SNX29: variants seen among roughly 807,000 people sequenced by gnomAD.
SNX29 encodes the protein sorting nexin 29.
SNX29 carries 78 observed loss-of-function variants against 102.1 expected under a neutral mutation model. That is an observed-to-expected ratio of 0.76 (90% CI 0.64 to 0.92). The LOEUF (loss-of-function observed/expected upper bound fraction) is 0.92, where lower values mean the gene tolerates loss of function less well. Among genes scored for constraint, SNX29 ranks in the 40% least tolerant of loss-of-function variants. The pLI, the probability that SNX29 is intolerant of heterozygous loss-of-function variation, is 0.00. For synonymous variants in SNX29, 580 were observed against 414.5 expected, an observed-to-expected ratio of 1.40 and a Z score of -4.85; for missense variants, 1,280 against 1,061.7, an observed-to-expected ratio of 1.21 and a Z score of -2.86.
chr16:12,129,421 C>T (rs1401395179), intron 12 of SNX29, among the ~76,000 whole-genome samples: 1 of 152,216 alleles, frequency 6.6e-6, no homozygotes, highest in Admixed American at 6.5e-5. Flanking sequence ...GAGCCCAGGC[C>T]ATAGATGACT....
At chr16:12,563,302 C>A (rs1310565057) in intron 20 of SNX29, among the ~76,000 whole-genome samples, 1 of 152,092 alleles carries the variant, frequency 6.6e-6, no homozygotes, top group Non-Finnish European at 1.5e-5. Flanking sequence ...CTCGGAAAGT[C>A]TGCTTTGTGA....
In SNX29 at chr16:12,403,459, C is replaced by T. The variant is rs751174952; in HGVS notation, c.1967C>T (p.Ala656Val). ...TTCCTTTTGGTTAGATCAAACCGGGCGCTGATCAACGTCTGGATCCCCTCA... is the reference window on the plus strand; with the variant it reads ...TTCCTTTTGGTTAGATCAAACCGGGTGCTGATCAACGTCTGGATCCCCTCA... ...SLSDFEISNR[A>V]LINVWIPSVF... The change falls in exon 18 of 21, where the codon GCG (alanine) becomes GTG (valine). Residue 656 changes from alanine to valine, a missense_variant. By Grantham distance (64) the Ala-to-Val change is moderately conservative. Coordinates refer to ENST00000566228, the MANE Select transcript of SNX29 (RefSeq NM_032167.5). 12 of 1,607,518 alleles carry T rather than the reference C, an allele frequency of 7.5e-6. No homozygotes were observed. The South Asian group carries it at 1.0e-4, about 14-fold the overall frequency.
chr16:12,038,242 G>A (rs974230480), intron 4 of SNX29, among the ~76,000 whole-genome samples: 2 of 152,186 alleles, frequency 1.3e-5, no homozygotes, highest in African/African-American at 4.8e-5. Context: ...GACAAAATAA[G>A]TTTCCCAAGG....
intron 20 of SNX29, among the ~76,000 whole-genome samples, chr16:12,543,773 C>T (rs556060513): frequency 2.0e-5 from 3 of 152,180 alleles, no homozygotes; most frequent in Admixed American, 6.5e-5. Context: ...GTTTATTTTC[C>T]AAGATGTATC....
At chr16:12,207,535 C>G (rs941954108) in intron 14 of SNX29, among the ~76,000 whole-genome samples, 1 of 152,284 alleles carries the variant, frequency 6.6e-6, no homozygotes, top group Middle Eastern at 3.4e-3. Flanking sequence ...CCTTCCTGTT[C>G]CACCGCAGTG....
At chr16:12,212,678 G>A (rs2077218198) in intron 14 of SNX29, among the ~76,000 whole-genome samples, 1 of 152,164 alleles carries the variant, frequency 6.6e-6, no homozygotes, top group Non-Finnish European at 1.5e-5. Flanking sequence ...ACTTTTTAAT[G>A]AGATTATTCA....
intron 13 of SNX29, among the ~76,000 whole-genome samples, chr16:12,196,843 A>G (rs1214471489): frequency 2.7e-5 from 4 of 150,828 alleles, no homozygotes; most frequent in Non-Finnish European, 4.4e-5. Context: ...CTGATCTCAA[A>G]CTCTTGGCCT....
At chr16:12,530,333 T>C (rs1370039234) in intron 20 of SNX29, among the ~76,000 whole-genome samples, 2 of 152,006 alleles carry the variant, frequency 1.3e-5, no homozygotes, top group Non-Finnish European at 2.9e-5. Flanking sequence ...GGGAAGGAGA[T>C]TGTGGGGAGC....
Position 12,061,511 on chromosome 16 carries a change from G to A in SNX29, c.1125-17G>A. ...GGGCTCTTTGGCCTGTCCTGCAGCT[G>A]TATTCTTTCACCTTAGGCCACTGGA... On this transcript the variant is annotated splice_polypyrimidine_tract_variant and intron_variant, in intron 8 of 20. Coordinates refer to ENST00000566228, the MANE Select transcript of SNX29 (RefSeq NM_032167.5). The A allele has an allele frequency of 6.4e-7, 1 of 1,574,714 alleles. No homozygotes were observed. The highest frequency in any genetic ancestry group is 8.6e-7 in the Non-Finnish European group (1 of 1,161,128).
intron 20 of SNX29, among the ~76,000 whole-genome samples, chr16:12,554,646 C>G (rs190524267): frequency 6.4e-4 from 97 of 152,206 alleles, no homozygotes; most frequent in Non-Finnish European, 1.1e-3. Flanking sequence ...CCAGGTTTCA[C>G]CAGTTTGTGC....
intron 18 of SNX29, among the ~76,000 whole-genome samples, chr16:12,407,685 A>G (rs1597269912): frequency 6.6e-6 from 1 of 152,302 alleles, no homozygotes; most frequent in Non-Finnish European, 1.5e-5. Flanking sequence ...ACCCCATTTT[A>G]TAGGTGAAGA....
At chr16:12,552,986 C>G (rs937796047) in intron 20 of SNX29, among the ~76,000 whole-genome samples, 3 of 152,334 alleles carry the variant, frequency 2.0e-5, no homozygotes, top group South Asian at 4.1e-4. Flanking sequence ...CAGGCACTGT[C>G]TGAGGGGCTG....
chr16:12,535,311 G>C (rs1185095197), intron 20 of SNX29, among the ~76,000 whole-genome samples: 2 of 152,246 alleles, frequency 1.3e-5, no homozygotes, highest in African/African-American at 2.4e-5. Flanking sequence ...GCTAATTTTT[G>C]TATTTTTAGT....
At chr16:12,193,075 T>G (rs2141915836) in intron 13 of SNX29, among the ~76,000 whole-genome samples, 1 of 152,324 alleles carries the variant, frequency 6.6e-6, no homozygotes, top group East Asian at 1.9e-4. Flanking sequence ...GCTCAGGTGA[T>G]CCTCCTGCCT....
At chr16:12,407,021 A>G (rs905216768) in intron 18 of SNX29, among the ~76,000 whole-genome samples, 2 of 152,238 alleles carry the variant, frequency 1.3e-5, no homozygotes, top group Admixed American at 6.5e-5. Flanking sequence ...GATCTGGAAC[A>G]TTTACCCCAC....
rs200955496 is a variant in SNX29 at position 12,356,279 on chromosome 16, G to A, written c.1899G>A (p.Pro633=). 1.7e-5 allele frequency: 27 copies of A among 1,595,518 alleles called. No individual in the cohort carries two copies. The highest frequency in any genetic ancestry group is 2.3e-5 in the South Asian group (2 of 87,738). Residue 633 remains proline, a splice_region_variant and synonymous_variant, in exon 16 of 21, where the codon CCG becomes CCA. Transcript: ENST00000566228. ...AGGAGCTCATCGATCTCCGGGGACC[G>A]GTGAGTGTTTCCCCAACCCTGTGTG... The part of the protein sequence containing the change: ...MRQELIDLRG[P]VPGDLSQTSE...
At chr16:12,565,889 C>G (rs773807618) in intron 20 of SNX29, among the ~76,000 whole-genome samples, 6 of 151,798 alleles carry the variant, frequency 4.0e-5, no homozygotes, top group Non-Finnish European at 7.4e-5. Flanking sequence ...CCTGAGTTCC[C>G]TCTCATTGGG....
At chr16:12,200,914 T>C (rs1183621821) in intron 14 of SNX29, among the ~76,000 whole-genome samples, 3 of 152,238 alleles carry the variant, frequency 2.0e-5, no homozygotes, top group Non-Finnish European at 4.4e-5. Context: ...GTGAGGATTT[T>C]CCAAAACAAT....
intron 4 of SNX29, among the ~76,000 whole-genome samples, chr16:12,031,729 C>T (rs1254232909): frequency 3.3e-5 from 5 of 151,896 alleles, no homozygotes; most frequent in African/African-American, 4.8e-5. Context: ...GGTGTGAACC[C>T]GGGAGGCGGA....
Sources: allele counts gnomAD v4.1 joint callset (sites outside exome capture counted in the v4.1 genomes callset), GRCh38; gene constraint gnomAD v4.1.1; transcripts MANE v1.5; gene names NCBI Gene and HGNC (gene_info 2026-07-23, HGNC 2026-07-21).